Variants in DOCK2 observed in about 807,000 individuals in gnomAD.
The protein encoded by DOCK2 is dedicator of cytokinesis 2.
In DOCK2, 87 loss-of-function variants were observed where a neutral mutation model predicts 248.9. The observed-to-expected ratio is 0.35, with a 90% CI of 0.29 to 0.42. DOCK2 has a LOEUF of 0.42. Ranked by LOEUF, DOCK2 falls within the 10% of genes least tolerant of loss-of-function variation. DOCK2 has a pLI of 1.00. For missense variants in DOCK2, 1,747 were observed against 2,300.2 expected, an observed-to-expected ratio of 0.76 and a Z score of 4.92; for synonymous variants, 805 against 821.6, an observed-to-expected ratio of 0.98 and a Z score of 0.35.
intron 27 of DOCK2, among the ~76,000 whole-genome samples, chr5:169,877,035 G>C (rs539003610): frequency 1.3e-5 from 2 of 152,296 alleles, no homozygotes; most frequent in South Asian, 4.1e-4. Flanking sequence ...ATGGCATGGG[G>C]GTCCTTCTGG....
At chr5:169,848,826 G>A (rs1770467189) in intron 27 of DOCK2, among the ~76,000 whole-genome samples, 1 of 152,092 alleles carries the variant, frequency 6.6e-6, no homozygotes, top group Non-Finnish European at 1.5e-5. Context: ...GAAGGAAATT[G>A]GAAGTCACCT....
At chr5:170,038,110 G>A (rs771993524) in intron 36 of DOCK2, among the ~76,000 whole-genome samples, 3 of 152,114 alleles carry the variant, frequency 2.0e-5, no homozygotes, top group East Asian at 1.9e-4. Flanking sequence ...GAAGGACCTC[G>A]GTCCTTGCCT....
intron 5 of DOCK2, among the ~76,000 whole-genome samples, chr5:169,671,780 A>G (rs1759060762): frequency 6.6e-6 from 1 of 152,198 alleles, no homozygotes; most frequent in Non-Finnish European, 1.5e-5. Context: ...CATGTTTATT[A>G]TGGCACCGTG....
At chr5:169,793,215 A>G (rs1002392483) in intron 25 of DOCK2, among the ~76,000 whole-genome samples, 1 of 152,206 alleles carries the variant, frequency 6.6e-6, no homozygotes, top group African/African-American at 2.4e-5. Flanking sequence ...ATATGCTTAC[A>G]CAGGTATGTA....
intron 8 of DOCK2, among the ~76,000 whole-genome samples, chr5:169,686,452 G>A (rs1214621841): frequency 2.0e-5 from 3 of 152,186 alleles, no homozygotes; most frequent in Admixed American, 1.3e-4. Context: ...CTGGAGACGA[G>A]GGCCAGCCCA....
intron 23 of DOCK2, among the ~76,000 whole-genome samples, chr5:169,752,944 A>G (rs1380112779): frequency 2.6e-5 from 4 of 152,088 alleles, no homozygotes. Flanking sequence ...GGGTGCCTGT[A>G]ATCCCAGGTA....
chr5:169,979,239 C>T (rs1732855798), intron 27 of DOCK2, among the ~76,000 whole-genome samples: 1 of 152,194 alleles, frequency 6.6e-6, no homozygotes. Flanking sequence ...AAAGTTTGAA[C>T]AACGTCAGTG....
At chr5:169,826,592 G>A (rs1212505504) in intron 26 of DOCK2, among the ~76,000 whole-genome samples, 2 of 152,140 alleles carry the variant, frequency 1.3e-5, no homozygotes, top group Non-Finnish European at 2.9e-5. Flanking sequence ...ATTCCAGGGA[G>A]AAGGTAGGAA....
intron 22 of DOCK2, among the ~76,000 whole-genome samples, chr5:169,724,885 G>T (rs1762395130): frequency 6.6e-6 from 1 of 151,762 alleles, no homozygotes; most frequent in African/African-American, 2.4e-5. Context: ...TCTAGGTCAT[G>T]AATATGTTAG....
intron 26 of DOCK2, among the ~76,000 whole-genome samples, chr5:169,808,219 G>A (rs1482302322): frequency 6.6e-6 from 1 of 152,160 alleles, no homozygotes; most frequent in African/African-American, 2.4e-5. Flanking sequence ...TAGAGACTAT[G>A]TCCACCTACT....
chr5:170,064,664 AAGAG>A (rs962319265), intron 44 of DOCK2, among the ~76,000 whole-genome samples: 2 of 148,552 alleles, frequency 1.3e-5, no homozygotes, highest in Non-Finnish European at 3.0e-5. Flanking sequence ...CCAAAATAAG[AAGAG>A]AGAGGGAGAA....
At position 169,651,607 on chromosome 5, in the gene DOCK2, G is replaced by A. The variant is rs576536702; in HGVS notation, c.44-2796G>A. Reference sequence around the variant, plus strand: ...AAGCCTCAGTTGCTTCCACCATCCTGTCCAGTTCTACTGCCAAGTCCTCAG... The same window carrying A: ...AAGCCTCAGTTGCTTCCACCATCCTATCCAGTTCTACTGCCAAGTCCTCAG... On this transcript the variant is annotated intron_variant, in intron 1 of 51. Transcript: ENST00000520908. Among the ~76,000 whole-genome samples, 11 of 152,284 alleles carry A rather than the reference G, an allele frequency of 7.2e-5. No homozygotes were observed. The South Asian group carries it at 2.3e-3, about 32-fold the overall frequency.
chr5:169,641,395 G>C (rs1201349447), intron 1 of DOCK2, among the ~76,000 whole-genome samples: 1 of 152,332 alleles, frequency 6.6e-6, no homozygotes, highest in South Asian at 2.1e-4. Flanking sequence ...TGTGGGTGAT[G>C]CTGTCGCAGC....
intron 7 of DOCK2, among the ~76,000 whole-genome samples, chr5:169,683,396 A>ATT (rs55798338): frequency 4.0e-5 from 6 of 151,642 alleles, no homozygotes; most frequent in African/African-American, 1.2e-4. Flanking sequence ...TGCCTGGCTA[A>ATT]TTTTTTTTAT....
At chr5:169,879,810 C>T (rs1367903438) in intron 27 of DOCK2, among the ~76,000 whole-genome samples, 3 of 152,052 alleles carry the variant, frequency 2.0e-5, no homozygotes, top group Non-Finnish European at 4.4e-5. Flanking sequence ...TTGCCCAAGG[C>T]GAGGTCATGA....
chr5:169,958,999 A>G (rs1034906364), intron 27 of DOCK2, among the ~76,000 whole-genome samples: 3 of 152,220 alleles, frequency 2.0e-5, no homozygotes, highest in African/African-American at 7.2e-5. Context: ...TTAGTAAACT[A>G]CTAACTTATA....
chr5:169,789,766 C>G (rs1053028262), intron 25 of DOCK2, among the ~76,000 whole-genome samples: 5 of 152,198 alleles, frequency 3.3e-5, no homozygotes, highest in East Asian at 3.8e-4. Flanking sequence ...CAGGCAAGAG[C>G]CCCTGCCTCA....
At chr5:169,824,862 G>A (rs1216808259) in intron 26 of DOCK2, among the ~76,000 whole-genome samples, 2 of 152,234 alleles carry the variant, frequency 1.3e-5, no homozygotes, top group East Asian at 3.9e-4. Context: ...GAAAATTTTT[G>A]CAATCTACTC....
chr5:169,954,859 A>G (rs1349229332), intron 27 of DOCK2, among the ~76,000 whole-genome samples: 1 of 152,218 alleles, frequency 6.6e-6, no homozygotes, highest in African/African-American at 2.4e-5. Flanking sequence ...TAACCCAATG[A>G]CCAAATCAAC....
Sources: allele counts gnomAD v4.1 joint callset (sites outside exome capture counted in the v4.1 genomes callset), GRCh38; gene constraint gnomAD v4.1.1; transcripts MANE v1.5; gene names NCBI Gene and HGNC (gene_info 2026-07-23, HGNC 2026-07-21).